The following HK3 variants were observed in gnomAD, a reference collection of about 807,000 sequenced individuals.
HK3 encodes hexokinase 3.
HK3 carries 93 observed loss-of-function variants against 91.0 expected under a neutral mutation model. The ratio of observed to expected loss-of-function variants is 1.02; its 90% CI spans 0.86 to 1.21. The LOEUF (loss-of-function observed/expected upper bound fraction) is 1.21. Ranked by LOEUF, HK3 falls within the 50% of genes most tolerant of loss-of-function variation. The probability of loss-of-function intolerance (pLI) is 0.00; values close to 1 mark genes in which losing one functional copy is unlikely to be tolerated. For missense variants in HK3, 1,235 were observed against 1,247.4 expected, an observed-to-expected ratio of 0.99 and a Z score of 0.15; for synonymous variants, 519 against 516.9, an observed-to-expected ratio of 1.00 and a Z score of -0.06.
At chr5:176,888,937 T>C in intron 8 of HK3, 73 bp from the exon 9 acceptor site, 1 of 1,521,828 alleles carries the variant, frequency 6.6e-7, no homozygotes, top group Non-Finnish European at 8.9e-7. Flanking sequence ...CTCCAAGAGT[T>C]CCCAAAGAAG....
At position 176,880,949 on chromosome 5, in the gene HK3, G is replaced by T; in HGVS notation, c.*124C>A. The T allele has an allele frequency of 8.9e-7, 1 of 1,121,656 alleles. No homozygotes were observed. 69.5% of individuals were successfully genotyped at this position (1,121,656 alleles called of 1,614,324 possible). ...AGCCAGGGAGCAAGGCCAAATGGCC[G>T]CAGAGGGGTCACACATGGGATGTCC... On this transcript the variant is annotated 3_prime_UTR_variant, in exon 19 of 19. Transcript: ENST00000292432.
Position 176,888,781 on chromosome 5 carries a change from AAG to A in HK3, c.996_997del (p.Phe333TrpfsTer21). ...CAGGGCAGGGGAGGTGCAGCCACCA[AAG>A]AGGACCCCACACCGGGCCAAGTGAG... On this transcript the variant is annotated frameshift_variant, in exon 9 of 19. Coordinates refer to ENST00000292432, the MANE Select transcript of HK3 (RefSeq NM_002115.3). LOFTEE classifies it high-confidence loss of function. The A allele has an allele frequency of 1.2e-6, 2 of 1,614,098 alleles. No homozygotes were observed. The highest frequency in any genetic ancestry group is 1.7e-6 in the Non-Finnish European group (2 of 1,180,002).
chr5:176,895,942 T>A (rs1297995471), intron 2 of HK3, 122 bp downstream of exon 2: 3 of 791,296 alleles, frequency 3.8e-6, no homozygotes, highest in Non-Finnish European at 6.7e-6. Context: ...CCAGCTCAGA[T>A]ATGAAAAGCT....
intron 2 of HK3, among the ~76,000 whole-genome samples, chr5:176,893,366 C>G (rs1263978120): frequency 6.6e-6 from 1 of 152,218 alleles, no homozygotes; most frequent in Non-Finnish European, 1.5e-5. Context: ...AGAAAACTTA[C>G]AGCTGAGTCC....
Position 176,884,251 on chromosome 5 carries a change from T to C in HK3, c.1858-117A>G, listed in dbSNP as rs1042870211. On this transcript the variant is annotated intron_variant, in intron 13 of 18. Coordinates refer to ENST00000292432, the MANE Select transcript of HK3 (RefSeq NM_002115.3). The surrounding 1 kb of genome is among the most constrained non-coding windows in gnomAD (Gnocchi z 4.1). ...GCTTTCCACCCTCCCCAAGCACAATTCCTTGCCTACTTTGCTGTATGGTTG... is the reference window on the plus strand; with the variant it reads ...GCTTTCCACCCTCCCCAAGCACAATCCCTTGCCTACTTTGCTGTATGGTTG... 3 of 840,798 alleles carry C rather than the reference T, an allele frequency of 3.6e-6. No individual in the cohort carries two copies. Among genetic ancestry groups the C allele is most frequent in the Non-Finnish European group, 6.0e-6 (3 of 500,882 alleles). 52.1% of individuals were successfully genotyped at this position (840,798 alleles called of 1,614,324 possible). A position where few individuals can be genotyped will look rare whatever the true frequency, so the allele number is the denominator to read the frequency against.
chr5:176,893,703 G>A (rs1428920838), intron 2 of HK3, among the ~76,000 whole-genome samples: 1 of 152,190 alleles, frequency 6.6e-6, no homozygotes, highest in East Asian at 1.9e-4. Context: ...TGGGCAAATT[G>A]TTTTTCTTCC....
Position 176,884,116 on chromosome 5 carries a change from T to C in HK3, c.1876A>G (p.Thr626Ala). 1 of 1,614,068 alleles carries C rather than the reference T, an allele frequency of 6.2e-7. No individual in the cohort carries two copies. The highest frequency in any genetic ancestry group is 8.5e-7 in the Non-Finnish European group (1 of 1,179,992). The change falls in exon 14 of 19, where the codon ACC (threonine) becomes GCC (alanine). Residue 626 changes from threonine to alanine, a missense_variant. By Grantham distance (58) the Thr-to-Ala change is moderately conservative (BLOSUM62 0). Coordinates refer to ENST00000292432, the MANE Select transcript of HK3 (RefSeq NM_002115.3). The surrounding 1 kb of genome is among the most constrained non-coding windows in gnomAD (Gnocchi z 4.1). ...CAGTCTGATGCCTTGAAACCCTTGGTCCAGTTCAGGAGGATGCCCTGGGGT... is the reference window on the plus strand; with the variant it reads ...CAGTCTGATGCCTTGAAACCCTTGGCCCAGTTCAGGAGGATGCCCTGGGGT... ...GLDQGILLNW[T>A]KGFKASDCEG...
intron 1 of HK3, among the ~76,000 whole-genome samples, chr5:176,896,802 G>A (rs1406181115): frequency 2.0e-5 from 3 of 152,152 alleles, no homozygotes; most frequent in Non-Finnish European, 2.9e-5. Context: ...GACCTTGGAC[G>A]TCATTTATGA....
intron 2 of HK3, among the ~76,000 whole-genome samples, chr5:176,895,372 C>T (rs931218629): frequency 5.9e-5 from 9 of 152,192 alleles, no homozygotes; most frequent in Non-Finnish European, 1.2e-4. Flanking sequence ...CCACCGCGCC[C>T]GGCCATAGGC....
At position 176,884,756 on chromosome 5, in the gene HK3, G is replaced by A. The variant is rs1011880642; in HGVS notation, c.1858-622C>T. On this transcript the variant is annotated intron_variant, in intron 13 of 18. Coordinates refer to ENST00000292432, the MANE Select transcript of HK3 (RefSeq NM_002115.3). The surrounding 1 kb of genome is among the most constrained non-coding windows in gnomAD (Gnocchi z 4.1). The stretch of plus-strand genomic sequence containing the variant: ...GGCTCAACTTTACCTGGAAAGGAAT[G>A]CTGTTTTCTTAGTGTGCGTCCTCTG... Among the ~76,000 whole-genome samples, 1 of 152,204 alleles carries A rather than the reference G, an allele frequency of 6.6e-6. No individual in the cohort carries two copies. Among genetic ancestry groups the A allele is most frequent in the Non-Finnish European group, 1.5e-5 (1 of 68,044 alleles).
intron 15 of HK3, among the ~76,000 whole-genome samples, chr5:176,883,324 A>T (rs1758493991): frequency 6.6e-6 from 1 of 152,074 alleles, no homozygotes; most frequent in African/African-American, 2.4e-5. Flanking sequence ...AGCTCCAAAC[A>T]CCAGGTGTGT....
chr5:176,887,726 C>T lies in HK3; in HGVS notation c.1325G>A (p.Gly442Glu), dbSNP rs1581295668. The change falls in exon 11 of 19, where the codon GGG becomes GAG. Residue 442 changes from glycine to glutamate, a missense_variant. Physicochemically the swap from Gly to Glu is moderately conservative, Grantham distance 98. This residue lies in a region of HK3 where 717 missense variants were observed against 751.6 expected (regional missense o/e 0.95). Transcript: ENST00000292432. The surrounding 1 kb of genome is among the most constrained non-coding windows in gnomAD (Gnocchi z 4.9). ...RHPRFCSVLQ[G>E]TVMLLAPECD... ...TTCCGGGGCCAGGAGCATCACTGTC[C>T]CCTGCAGGACGCTGCAGAACCTACA... 3 of 1,610,056 alleles carry T rather than the reference C, an allele frequency of 1.9e-6. No individual in the cohort carries two copies. The highest frequency in any genetic ancestry group is 2.5e-6 in the Non-Finnish European group (3 of 1,176,996).
chr5:176,888,908 T>C, intron 8 of HK3, 44 bp from the exon 9 acceptor site: 1 of 1,595,300 alleles, frequency 6.3e-7, no homozygotes, highest in Non-Finnish European at 8.5e-7. Context: ...TTCTAAGCCC[T>C]CAGTCCACCT....
intron 1 of HK3, 32 bp from the exon 2 acceptor site, chr5:176,896,217 C>G (rs115038681): frequency 4.6e-6 from 6 of 1,311,386 alleles, no homozygotes; most frequent in Non-Finnish European, 6.4e-6. Context: ...CTGGGTCAAC[C>G]ATTTACTCTA....
At position 176,891,038 on chromosome 5, in the gene HK3, T is replaced by A; in HGVS notation, c.413A>T (p.Gln138Leu). 1 of 1,613,964 alleles carries A rather than the reference T, an allele frequency of 6.2e-7. No individual in the cohort carries two copies. The highest frequency in any genetic ancestry group is 1.7e-5 in the Admixed American group (1 of 60,016). Residue 138 changes from glutamine (Q) to leucine (L), a missense_variant and splice_region_variant, in exon 4 of 19, where the codon CAG becomes CTG. Around this residue, in one of 3 missense-constraint regions of HK3, gnomAD observed 717 missense variants for 751.6 expected, o/e 0.95. Coordinates refer to ENST00000292432, the MANE Select transcript of HK3 (RefSeq NM_002115.3). ...AGAGGCTGGGCAGTGAGTGCTTACC[T>A]GCTGGCCAGCACCCAGCATCACCTC... is the stretch of plus-strand genomic sequence containing the variant. ...PQEVMLGAGQ[Q>L]LFDFAAHCLS...
intron 13 of HK3, among the ~76,000 whole-genome samples, chr5:176,886,651 G>T (rs1758591219): frequency 6.6e-6 from 1 of 152,048 alleles, no homozygotes; most frequent in South Asian, 2.1e-4. Context: ...GGAGGAGAGA[G>T]GCCAAAAAAA....
chr5:176,884,117 C>A lies in HK3; in HGVS notation c.1875G>T (p.Trp625Cys), dbSNP rs776654075. ...LGLDQGILLN[W>C]TKGFKASDCE... Reference sequence around the variant, plus strand: ...AGTCTGATGCCTTGAAACCCTTGGTCCAGTTCAGGAGGATGCCCTGGGGTG... The same window carrying A: ...AGTCTGATGCCTTGAAACCCTTGGTACAGTTCAGGAGGATGCCCTGGGGTG... The change falls in exon 14 of 19, where the codon TGG becomes TGT. Residue 625 changes from tryptophan (W) to cysteine (C), a missense_variant. By Grantham distance (215) the Trp-to-Cys change is radical. Around this residue, in one of 3 missense-constraint regions of HK3, gnomAD observed 513 missense variants for 477.4 expected, o/e 1.07. Transcript: ENST00000292432. This position sits in a 1 kb window ranked among gnomAD's most constrained non-coding sequence, Gnocchi z 4.1. The A allele has an allele frequency of 6.2e-7, 1 of 1,613,948 alleles. No homozygotes were observed. Among genetic ancestry groups the A allele is most frequent in the East Asian group, 2.2e-5 (1 of 44,898 alleles).
chr5:176,883,086 G>A (rs574465527), intron 15 of HK3, among the ~76,000 whole-genome samples: 5 of 152,298 alleles, frequency 3.3e-5, no homozygotes, highest in South Asian at 2.1e-4. Flanking sequence ...TCTTGGCCTC[G>A]CTGCTGCCCA....
intron 13 of HK3, among the ~76,000 whole-genome samples, chr5:176,885,417 T>C (rs1175588710): frequency 6.6e-6 from 1 of 152,080 alleles, no homozygotes; most frequent in Non-Finnish European, 1.5e-5. Context: ...CTGAAAATAA[T>C]GTGGGCCCAA....
Sources: allele counts gnomAD v4.1 joint callset (sites outside exome capture counted in the v4.1 genomes callset), GRCh38; gene constraint gnomAD v4.1.1; regional missense constraint gnomAD v4.1.1; non-coding constraint Gnocchi (gnomAD v3.1); transcripts MANE v1.5; gene names NCBI Gene and HGNC (gene_info 2026-07-23, HGNC 2026-07-21).